Variants in GALNT2 observed in about 807,000 individuals in gnomAD.
GALNT2 encodes polypeptide N-acetylgalactosaminyltransferase 2, also known as UDP-GalNAc:polypeptide N-acetylgalactosaminyltransferase 2.
A neutral mutation model predicts 81.4 loss-of-function variants in GALNT2; 31 were observed. The ratio of observed to expected loss-of-function variants is 0.38; its 90% CI spans 0.29 to 0.51. GALNT2 has a LOEUF of 0.51. Among genes scored for constraint, GALNT2 ranks in the 20% least tolerant of loss-of-function variants. The pLI, the probability that GALNT2 is intolerant of heterozygous loss-of-function variation, is 0.87. For missense variants in GALNT2, 629 were observed against 765.7 expected, an observed-to-expected ratio of 0.82 and a Z score of 2.11; for synonymous variants, 303 against 287.4, an observed-to-expected ratio of 1.05 and a Z score of -0.55.
At chr1:230,180,591 C>G (rs1001983053) in intron 2 of GALNT2, among the ~76,000 whole-genome samples, 11 of 151,996 alleles carry the variant, frequency 7.2e-5, no homozygotes, top group Admixed American at 4.6e-4. Context: ...TATTCCAGAT[C>G]TTTTGCTGTT....
chr1:230,116,245 T>G (rs1040608643), intron 1 of GALNT2, among the ~76,000 whole-genome samples: 1 of 152,246 alleles, frequency 6.6e-6, no homozygotes, highest in African/African-American at 2.4e-5. Flanking sequence ...TTCTTTTTTT[T>G]TTTGAGACAG....
At chr1:230,089,477 G>A (rs1198544513) in intron 1 of GALNT2, among the ~76,000 whole-genome samples, 3 of 152,106 alleles carry the variant, frequency 2.0e-5, no homozygotes, top group Non-Finnish European at 2.9e-5. Flanking sequence ...ACAGTTCAGT[G>A]ACATTGTGTT....
chr1:230,192,676 T>C (rs757178423), intron 2 of GALNT2, among the ~76,000 whole-genome samples: 3 of 152,250 alleles, frequency 2.0e-5, no homozygotes, highest in Non-Finnish European at 4.4e-5. Context: ...TGGTATATTT[T>C]TAGTTGTTTT....
rs542212179 is a variant in GALNT2 at position 230,097,194 on chromosome 1, A to G, written c.126+29788A>G. Among the ~76,000 whole-genome samples the G allele has an allele frequency of 3.3e-5, 5 of 152,362 alleles. No homozygotes were observed. In the South Asian group the frequency reaches 6.2e-4, roughly 19 times the overall value. ...GGTTTGCTCAGGAGATAGAATATTT[A>G]TCATACTGAGGTTCCCAGTTTTTAA... is the stretch of plus-strand genomic sequence containing the variant. On this transcript the variant is annotated intron_variant, in intron 1 of 15. Transcript: ENST00000366672.
intron 1 of GALNT2, among the ~76,000 whole-genome samples, chr1:230,108,647 C>T (rs1353700838): frequency 6.6e-6 from 1 of 152,212 alleles, no homozygotes; most frequent in East Asian, 1.9e-4. Flanking sequence ...CCTAAGCTAT[C>T]AAGCATCATA....
intron 3 of GALNT2, among the ~76,000 whole-genome samples, chr1:230,214,825 TTCCCTGTGTCTCAG>T (rs1256409682): frequency 6.6e-6 from 1 of 152,236 alleles, no homozygotes; most frequent in Non-Finnish European, 1.5e-5. Flanking sequence ...TTCTTTTTGA[TTCCCTGTGTCTCAG>T]TCTGGATATA....
intron 4 of GALNT2, 79 bp from the exon 5 acceptor site, chr1:230,236,274 A>T: frequency 6.8e-7 from 1 of 1,464,884 alleles, no homozygotes. Context: ...TAGGACCAAC[A>T]TATGAGAATT....
chr1:230,260,462 AAGTGATTTAGTCACTTAAAAACTTG>A (rs1398500208), intron 11 of GALNT2, among the ~76,000 whole-genome samples: 1 of 152,178 alleles, frequency 6.6e-6, no homozygotes, highest in East Asian at 1.9e-4. Flanking sequence ...AGGAATTTTT[AAGTGATTTAGTCACTTAAAAACTTG>A]AGTGATTTGA....
intron 8 of GALNT2, among the ~76,000 whole-genome samples, chr1:230,248,403 G>A (rs1486895928): frequency 6.6e-6 from 1 of 152,106 alleles, no homozygotes; most frequent in Non-Finnish European, 1.5e-5. Flanking sequence ...CCAAGAAGTG[G>A]CCTCCTGATG....
intron 1 of GALNT2, among the ~76,000 whole-genome samples, chr1:230,142,022 G>T (rs1572012372): frequency 6.6e-6 from 1 of 151,962 alleles, no homozygotes; most frequent in African/African-American, 2.4e-5. Context: ...TGAACTCCTG[G>T]CCTCAAGTGA....
At chr1:230,074,594 G>T (rs1403310897) in intron 1 of GALNT2, among the ~76,000 whole-genome samples, 1 of 152,190 alleles carries the variant, frequency 6.6e-6, no homozygotes, top group Non-Finnish European at 1.5e-5. Context: ...CGTTAATTTT[G>T]ATTTCATTCC....
intron 1 of GALNT2, among the ~76,000 whole-genome samples, chr1:230,073,119 G>A (rs1659427253): frequency 6.6e-6 from 1 of 152,154 alleles, no homozygotes; most frequent in Non-Finnish European, 1.5e-5. Context: ...GGGATAGGCT[G>A]GGCCTGGCGG....
At chr1:230,071,526 C>G (rs1659375018) in intron 1 of GALNT2, among the ~76,000 whole-genome samples, 1 of 152,152 alleles carries the variant, frequency 6.6e-6, no homozygotes, top group South Asian at 2.1e-4. Context: ...TGTAGCCCTG[C>G]CCCTCTTGTT....
At chr1:230,076,507 T>TA (rs1270503565) in intron 1 of GALNT2, among the ~76,000 whole-genome samples, 1 of 152,142 alleles carries the variant, frequency 6.6e-6, no homozygotes, top group Non-Finnish European at 1.5e-5. Flanking sequence ...GCCTGCCTGA[T>TA]ACCCAGGCTT....
chr1:230,069,296 T>G (rs996601692), intron 1 of GALNT2, among the ~76,000 whole-genome samples: 8 of 137,872 alleles, frequency 5.8e-5, no homozygotes, highest in East Asian at 3.9e-4. Flanking sequence ...GTTTTGTTTT[T>G]TTTAAAGAAT....
Position 230,257,388 on chromosome 1 carries a change from C to T in GALNT2, c.1136+2044C>T, listed in dbSNP as rs1665746250. Among the ~76,000 whole-genome samples, 1 of 152,158 alleles carries T rather than the reference C, an allele frequency of 6.6e-6. No individual in the cohort carries two copies. The highest frequency in any genetic ancestry group is 6.5e-5 in the Admixed American group (1 of 15,276). The stretch of plus-strand genomic sequence containing the variant: ...TGATACAGTCATGCACCTGTAACAG[C>T]GTTTCGGTCGGTGACAGTAGTCCCA... On this transcript the variant is annotated intron_variant, in intron 11 of 15. Transcript: ENST00000366672. This position sits in a 1 kb window ranked among gnomAD's most constrained non-coding sequence, Gnocchi z 4.6.
rs370062103 is a variant in GALNT2, at chr1:230,058,610, C to T, written n.89+532C>T. Among the ~76,000 whole-genome samples, 4 of 152,224 alleles carry T rather than the reference C, an allele frequency of 2.6e-5. 1 individual carries two copies. Among genetic ancestry groups the T allele is most frequent in the South Asian group, 2.1e-4 (1 of 4,820 alleles). On this transcript the variant is annotated intron_variant and non_coding_transcript_variant, in intron 1 of 6. Coordinates refer to the GALNT2 transcript ENST00000494106. ...GAGCATTTACTTGATAGGACTGTTG[C>T]GAAGATTTAATAAAATAATACACAA... is the stretch of plus-strand genomic sequence containing the variant.
chr1:230,083,817 G>A (rs949084708), intron 1 of GALNT2, among the ~76,000 whole-genome samples: 6 of 152,142 alleles, frequency 3.9e-5, no homozygotes, highest in Non-Finnish European at 7.3e-5. Flanking sequence ...TGTAAGAAAG[G>A]GTTGGAAATC....
intron 1 of GALNT2, among the ~76,000 whole-genome samples, chr1:230,158,273 G>C (rs1408197439): frequency 6.6e-6 from 1 of 152,194 alleles, no homozygotes; most frequent in East Asian, 1.9e-4. Context: ...TTCCAGCCAG[G>C]AACTAGTGCA....
Sources: allele counts gnomAD v4.1 joint callset (sites outside exome capture counted in the v4.1 genomes callset), GRCh38; gene constraint gnomAD v4.1.1; non-coding constraint Gnocchi (gnomAD v3.1); transcripts MANE v1.5; gene names NCBI Gene and HGNC (gene_info 2026-07-23, HGNC 2026-07-21).